Variants in ROR1 observed in about 807,000 individuals in gnomAD.
ROR1 encodes the protein inactive tyrosine-protein kinase transmembrane receptor ROR1.
In ROR1, 19 loss-of-function variants were observed where a neutral mutation model predicts 78.8. That is an observed-to-expected ratio of 0.24 (90% CI 0.17 to 0.35). The LOEUF (loss-of-function observed/expected upper bound fraction) is 0.35. Ranked by LOEUF, ROR1 falls within the 10% of genes least tolerant of loss-of-function variation. The pLI is 1.00. For synonymous variants in ROR1, 386 were observed against 433.6 expected, an observed-to-expected ratio of 0.89 and a Z score of 1.36; for missense variants, 917 against 1,177.8, an observed-to-expected ratio of 0.78 and a Z score of 3.24.
intron 4 of ROR1, among the ~76,000 whole-genome samples, chr1:64,066,274 C>T (rs1422879213): frequency 1.3e-5 from 2 of 151,870 alleles, no homozygotes; most frequent in African/African-American, 2.4e-5. Context: ...GCAATGCTGT[C>T]CACTAGAAAC....
intron 2 of ROR1, among the ~76,000 whole-genome samples, chr1:64,047,954 T>C (rs1416139648): frequency 6.6e-6 from 1 of 152,228 alleles, no homozygotes; most frequent in Non-Finnish European, 1.5e-5. Context: ...TGTTTCCTAC[T>C]GCACATGTGA....
At chr1:63,967,120 A>T (rs911625466) in intron 1 of ROR1, among the ~76,000 whole-genome samples, 7 of 152,178 alleles carry the variant, frequency 4.6e-5, no homozygotes, top group Non-Finnish European at 7.3e-5. Context: ...TAAGTAAAAG[A>T]TTTAGAATGG....
At chr1:64,122,086 C>G (rs1021759738) in intron 4 of ROR1, among the ~76,000 whole-genome samples, 12 of 152,150 alleles carry the variant, frequency 7.9e-5, no homozygotes. Context: ...TTAGTTGACT[C>G]CAAGCAGGAA....
intron 1 of ROR1, among the ~76,000 whole-genome samples, chr1:63,828,078 C>T (rs1007968125): frequency 2.6e-5 from 4 of 152,112 alleles, no homozygotes; most frequent in African/African-American, 9.7e-5. Flanking sequence ...CAAAAGGTAA[C>T]AGCATTCTAG....
intron 4 of ROR1, among the ~76,000 whole-genome samples, chr1:64,053,915 G>A (rs76186986): frequency 1.3e-5 from 2 of 149,070 alleles, no homozygotes; most frequent in Non-Finnish European, 1.5e-5. Flanking sequence ...TGATAACATC[G>A]CTAAATTAGA....
At chr1:63,838,050 G>GTGTAA (rs1645028733) in intron 1 of ROR1, among the ~76,000 whole-genome samples, 1 of 152,018 alleles carries the variant, frequency 6.6e-6, no homozygotes, top group South Asian at 2.1e-4. Flanking sequence ...GGTGATGCTG[G>GTGTAA]TGTAAACAAA....
chr1:63,794,341 C>G (rs1335129914), intron 1 of ROR1, among the ~76,000 whole-genome samples: 1 of 152,198 alleles, frequency 6.6e-6, no homozygotes, highest in Non-Finnish European at 1.5e-5. Context: ...AGTCGTCCAT[C>G]AACAAGAGCT....
intron 1 of ROR1, among the ~76,000 whole-genome samples, chr1:63,991,981 T>C (rs1042287159): frequency 1.3e-5 from 2 of 152,158 alleles, no homozygotes; most frequent in African/African-American, 4.8e-5. Context: ...TAAACACCTG[T>C]AGTAATGTCT....
intron 1 of ROR1, among the ~76,000 whole-genome samples, chr1:63,819,835 A>G (rs903271386): frequency 1.3e-5 from 2 of 152,196 alleles, no homozygotes; most frequent in Admixed American, 1.3e-4. Context: ...AAGTTTACAT[A>G]ATGTATGTAA....
At chr1:63,958,477 C>T (rs1326638146) in intron 1 of ROR1, among the ~76,000 whole-genome samples, 1 of 152,104 alleles carries the variant, frequency 6.6e-6, no homozygotes, top group East Asian at 1.9e-4. Context: ...CTCTGAGTCC[C>T]AAGTGAGAGG....
chr1:63,922,893 C>T (rs1285860124), intron 1 of ROR1, among the ~76,000 whole-genome samples: 2 of 152,058 alleles, frequency 1.3e-5, no homozygotes, highest in African/African-American at 2.4e-5. Context: ...TTCCATATTC[C>T]CCTGTATTAC....
At chr1:63,869,886 G>A (rs1354260011) in intron 1 of ROR1, among the ~76,000 whole-genome samples, 1 of 152,144 alleles carries the variant, frequency 6.6e-6, no homozygotes, top group Non-Finnish European at 1.5e-5. Flanking sequence ...CCTCACATAA[G>A]TATCCTAACT....
intron 7 of ROR1, among the ~76,000 whole-genome samples, chr1:64,145,943 T>C (rs1649460785): frequency 6.6e-6 from 1 of 152,212 alleles, no homozygotes; most frequent in African/African-American, 2.4e-5. Flanking sequence ...GGAAGGTCTG[T>C]CTGATTCCAA....
chr1:63,983,694 G>A (rs775418798), intron 1 of ROR1, among the ~76,000 whole-genome samples: 9 of 152,140 alleles, frequency 5.9e-5, no homozygotes, highest in Non-Finnish European at 1.2e-4. Flanking sequence ...ACTGCCTTTA[G>A]CGCCTCATTG....
At chr1:64,134,711 C>T (rs191192931) in intron 4 of ROR1, among the ~76,000 whole-genome samples, 25 of 150,752 alleles carry the variant, frequency 1.7e-4, no homozygotes, top group East Asian at 1.2e-3. Flanking sequence ...CCTGGGCATT[C>T]GTATTTCCTA....
chr1:63,845,558 A>G (rs1645075584), intron 1 of ROR1, among the ~76,000 whole-genome samples: 2 of 152,124 alleles, frequency 1.3e-5, no homozygotes, highest in South Asian at 4.1e-4. Flanking sequence ...TCTCCTTAAC[A>G]TCAATAGATA....
At chr1:63,953,272 A>G (rs1279784646) in intron 1 of ROR1, among the ~76,000 whole-genome samples, 1 of 152,126 alleles carries the variant, frequency 6.6e-6, no homozygotes, top group Non-Finnish European at 1.5e-5. Context: ...TTCCTTGTCT[A>G]TAGAATAATA....
chr1:63,818,061 T>G (rs1644902911), intron 1 of ROR1, among the ~76,000 whole-genome samples: 1 of 152,184 alleles, frequency 6.6e-6, no homozygotes, highest in African/African-American at 2.4e-5. Context: ...TACGTATTAT[T>G]ATTGCTGTTT....
rs1272369348 is a variant in ROR1, at chr1:64,133,467, C to T, written c.483-3902C>T. On this transcript the variant is annotated intron_variant, in intron 4 of 8. Transcript: ENST00000371079. Reference sequence around the variant, plus strand: ...GCACTCTTCAAATATCCTTCATAAGCTCCTTGCCCTGGAGAAGGAGGAGAC... The same window carrying T: ...GCACTCTTCAAATATCCTTCATAAGTTCCTTGCCCTGGAGAAGGAGGAGAC... Among the ~76,000 whole-genome samples the T allele has an allele frequency of 3.1e-4, 47 of 152,318 alleles. 1 individual carries two copies. Among genetic ancestry groups the T allele is most frequent in the Non-Finnish European group, 4.4e-5 (3 of 68,020 alleles).
Sources: gnomAD v4.1 joint callset for allele counts (sites outside exome capture counted in the v4.1 genomes callset) on GRCh38, gnomAD v4.1.1 for gene constraint, MANE v1.5 for transcripts, NCBI Gene and HGNC (gene_info 2026-07-23, HGNC 2026-07-21) for gene names.